CFAP61: variants seen among roughly 807,000 people sequenced by gnomAD.
CFAP61 encodes the protein cilia and flagella associated protein 61.
CFAP61 carries 107 observed loss-of-function variants against 135.6 expected under a neutral mutation model. The observed-to-expected ratio is 0.79, with a 90% CI of 0.67 to 0.93. The LOEUF is 0.93. Ranked by LOEUF, CFAP61 falls within the 40% of genes least tolerant of loss-of-function variation. The pLI is 0.00. For missense variants in CFAP61, 1,507 were observed against 1,556.2 expected, an observed-to-expected ratio of 0.97 and a Z score of 0.53; for synonymous variants, 575 against 578.5, an observed-to-expected ratio of 0.99 and a Z score of 0.09.
intron 25 of CFAP61, among the ~76,000 whole-genome samples, chr20:20,337,194 G>A (rs1209867551): frequency 2.0e-5 from 3 of 152,200 alleles, no homozygotes; most frequent in Non-Finnish European, 2.9e-5. Context: ...CTGGAAATAA[G>A]GAAACAGGGT....
chr20:20,335,336 G>A (rs2058146102), intron 25 of CFAP61, among the ~76,000 whole-genome samples: 1 of 152,176 alleles, frequency 6.6e-6, no homozygotes, highest in African/African-American at 2.4e-5. Context: ...AGTCTTCGGG[G>A]TATCACAGCT....
intron 18 of CFAP61, among the ~76,000 whole-genome samples, chr20:20,241,374 G>C (rs2050003199): frequency 1.3e-5 from 2 of 152,236 alleles, no homozygotes; most frequent in African/African-American, 4.8e-5. Flanking sequence ...TTCAACTTGG[G>C]CTAAAGAAAA....
At chr20:20,110,604 T>C (rs2048732139) in intron 8 of CFAP61, among the ~76,000 whole-genome samples, 1 of 152,116 alleles carries the variant, frequency 6.6e-6, no homozygotes, top group Non-Finnish European at 1.5e-5. Flanking sequence ...GGAGTGAGCA[T>C]GGTATTGGCA....
chr20:20,235,359 A>G (rs1361487462), intron 18 of CFAP61, among the ~76,000 whole-genome samples: 1 of 151,964 alleles, frequency 6.6e-6, no homozygotes. Context: ...TATGGACATC[A>G]CTTGGGAACT....
chr20:20,115,488 A>G lies in CFAP61; in HGVS notation c.859+16674A>G, dbSNP rs570810548. Among the ~76,000 whole-genome samples the G allele has an allele frequency of 2.6e-5, 4 of 152,166 alleles. 1 individual carries two copies. The highest frequency in any genetic ancestry group is 7.2e-5 in the African/African-American group (3 of 41,522). On this transcript the variant is annotated intron_variant, in intron 8 of 26. Transcript: ENST00000245957. Reference sequence around the variant, plus strand: ...ATTTTGAAATATATAATAGATTATTATAAACTATAGGCACCCTATTGAGCT... The same window carrying G: ...ATTTTGAAATATATAATAGATTATTGTAAACTATAGGCACCCTATTGAGCT...
intron 8 of CFAP61, among the ~76,000 whole-genome samples, chr20:20,120,445 C>G (rs1568946064): frequency 2.0e-5 from 3 of 152,034 alleles, no homozygotes; most frequent in Non-Finnish European, 4.4e-5. Flanking sequence ...TGAGGTTTCT[C>G]TTTTTATTGA....
At chr20:20,055,029 C>T (rs2146525900) in intron 1 of CFAP61, among the ~76,000 whole-genome samples, 1 of 152,220 alleles carries the variant, frequency 6.6e-6, no homozygotes, top group African/African-American at 2.4e-5. Flanking sequence ...CTATGTGCTT[C>T]TTTCTAGATA....
chr20:20,245,403 C>T (rs2050369028), intron 18 of CFAP61, among the ~76,000 whole-genome samples: 1 of 152,194 alleles, frequency 6.6e-6, no homozygotes, highest in South Asian at 2.1e-4. Flanking sequence ...ATATGGATGG[C>T]AGCAGGCAAA....
intron 26 of CFAP61, among the ~76,000 whole-genome samples, chr20:20,345,795 G>A (rs1342218585): frequency 6.7e-6 from 1 of 149,562 alleles, no homozygotes; most frequent in Non-Finnish European, 1.5e-5. Flanking sequence ...GATGGCAAGT[G>A]CCTGTAATCC....
intron 25 of CFAP61, among the ~76,000 whole-genome samples, chr20:20,326,865 G>A (rs2122281802): frequency 6.6e-6 from 1 of 152,230 alleles, no homozygotes; most frequent in East Asian, 1.9e-4. Flanking sequence ...AACTGAGTCT[G>A]AATTGAAGTT....
intron 18 of CFAP61, among the ~76,000 whole-genome samples, chr20:20,231,762 T>C (rs2049154929): frequency 6.6e-6 from 1 of 152,150 alleles, no homozygotes; most frequent in Non-Finnish European, 1.5e-5. Context: ...TGCTCTTGCA[T>C]TGCAGGGCAT....
intron 6 of CFAP61, among the ~76,000 whole-genome samples, chr20:20,079,855 G>T (rs2046313323): frequency 6.6e-6 from 1 of 152,096 alleles, no homozygotes; most frequent in African/African-American, 2.4e-5. Flanking sequence ...TTTTTAATTG[G>T]TTCTCTCATG....
chr20:20,177,605 A>G (rs1332114965), intron 13 of CFAP61, among the ~76,000 whole-genome samples: 1 of 151,626 alleles, frequency 6.6e-6, no homozygotes. Context: ...GACTGCATAC[A>G]TGTGCCAGCT....
chr20:20,153,091 A>C (rs759457702), intron 9 of CFAP61, among the ~76,000 whole-genome samples: 12 of 152,178 alleles, frequency 7.9e-5, no homozygotes, highest in Non-Finnish European at 1.2e-4. Context: ...ATACAAATAC[A>C]TGGAAATTAA....
chr20:20,225,515 G>A (rs1194246752), intron 17 of CFAP61: 1 of 152,106 alleles, frequency 6.6e-6, no homozygotes, highest in Admixed American at 6.5e-5. Flanking sequence ...CTATTGTGTG[G>A]GAAACAAAAG....
rs367870948 is a variant in CFAP61 at position 20,075,204 on chromosome 20, A to C, written c.387A>C (p.Ala129=). 3.1e-6 allele frequency: 5 copies of C among 1,614,124 alleles called. No individual in the cohort carries two copies. Among genetic ancestry groups the C allele is most frequent in the Admixed American group, 1.7e-5 (1 of 60,016 alleles). Residue 129 remains alanine, a synonymous_variant, in exon 5 of 27, where the codon GCA becomes GCC. Transcript: ENST00000245957. ...TCCTCACCAGAACCGTGTATAAGGC[A>C]GTGCCAGAGCTGCACTTCATATTTC... ...CKEILRTVYK[A]VPELHFIFLI...
chr20:20,177,680 G>T (rs779771762), intron 13 of CFAP61, among the ~76,000 whole-genome samples: 2 of 150,646 alleles, frequency 1.3e-5, no homozygotes, highest in Admixed American at 1.3e-4. Flanking sequence ...CTCACGGGGG[G>T]CCTGCATTCT....
At chr20:20,230,445 G>T (rs2049046014) in intron 18 of CFAP61, among the ~76,000 whole-genome samples, 2 of 152,162 alleles carry the variant, frequency 1.3e-5, no homozygotes, top group Non-Finnish European at 2.9e-5. Flanking sequence ...GATTTGAGCT[G>T]AAATGAAGAA....
chr20:20,105,206 G>A (rs1452330659), intron 8 of CFAP61, among the ~76,000 whole-genome samples: 1 of 152,088 alleles, frequency 6.6e-6, no homozygotes, highest in Non-Finnish European at 1.5e-5. Flanking sequence ...CTGTGCCCGA[G>A]GAAAGTCCCT....
Sources: allele counts gnomAD v4.1 joint callset (sites outside exome capture counted in the v4.1 genomes callset), GRCh38; gene constraint gnomAD v4.1.1; transcripts MANE v1.5; gene names NCBI Gene and HGNC (gene_info 2026-07-23, HGNC 2026-07-21).